Variants in MON2 observed in about 807,000 individuals in gnomAD.
MON2 encodes the protein protein MON2 homolog.
Under a neutral mutation model 208.6 loss-of-function variants are expected in MON2, and 84 were observed. That is an observed-to-expected ratio of 0.40 (90% CI 0.34 to 0.48). The LOEUF (loss-of-function observed/expected upper bound fraction) is 0.48, where lower values mean the gene tolerates loss of function less well. MON2 is among the 20% of genes least tolerant of loss of function. The pLI is 0.59. For synonymous variants in MON2, 660 were observed against 694.0 expected, an observed-to-expected ratio of 0.95 and a Z score of 0.77; for missense variants, 1,611 against 2,015.4, an observed-to-expected ratio of 0.80 and a Z score of 3.84.
At chr12:62,534,531 AAAAAAAAAAAAAT>A (rs1388414338) in intron 12 of MON2, among the ~76,000 whole-genome samples, 15 of 39,384 alleles carry the variant, frequency 3.8e-4, no homozygotes, top group African/African-American at 9.5e-4. Context: ...AAAAAAAAAA[AAAAAAAAAAAAAT>A]ATATATATAT....
At chr12:62,554,693 A>G (rs1368648396) in intron 24 of MON2, among the ~76,000 whole-genome samples, 7 of 152,016 alleles carry the variant, frequency 4.6e-5, no homozygotes, top group Non-Finnish European at 8.8e-5. Context: ...AGATAGTCTC[A>G]CCATATTGCC....
chr12:62,502,305 G>C (rs2070879704), intron 7 of MON2, among the ~76,000 whole-genome samples: 1 of 151,894 alleles, frequency 6.6e-6, no homozygotes, highest in Non-Finnish European at 1.5e-5. Flanking sequence ...GGAGACTGAG[G>C]CAGGAGAATC....
intron 30 of MON2, 54 bp from the exon 31 acceptor site, chr12:62,578,389 GTT>G: frequency 9.0e-7 from 1 of 1,106,308 alleles, no homozygotes; most frequent in Non-Finnish European, 1.3e-6. Flanking sequence ...TTTCTATTTT[GTT>G]TGTATTTGCA....
intron 24 of MON2, among the ~76,000 whole-genome samples, chr12:62,554,579 T>G (rs1028874243): frequency 1.3e-5 from 2 of 152,094 alleles, no homozygotes; most frequent in Admixed American, 1.3e-4. Context: ...ACTACAGCCT[T>G]GACCTGCCAG....
intron 22 of MON2, 40 bp from the exon 23 acceptor site, chr12:62,549,628 A>C: frequency 6.6e-7 from 1 of 1,520,588 alleles, no homozygotes; most frequent in Non-Finnish European, 8.8e-7. Context: ...AAATAAATAA[A>C]TAAAATAAGT....
intron 1 of MON2, among the ~76,000 whole-genome samples, chr12:62,474,119 C>CTT (rs778065734): frequency 7.1e-6 from 1 of 141,834 alleles, no homozygotes; most frequent in Non-Finnish European, 1.5e-5. Context: ...CTTTTCTTTT[C>CTT]TTTTTTTTTT....
chr12:62,559,188 G>C (rs71465161), intron 25 of MON2, among the ~76,000 whole-genome samples: 1 of 152,216 alleles, frequency 6.6e-6, no homozygotes, highest in South Asian at 2.1e-4. Context: ...TCATTTATCA[G>C]CTTTCCAAAA....
At chr12:62,505,261 T>G (rs1216808744) in intron 7 of MON2, among the ~76,000 whole-genome samples, 1 of 152,210 alleles carries the variant, frequency 6.6e-6, no homozygotes, top group African/African-American at 2.4e-5. Flanking sequence ...AAGGTATCTG[T>G]GAGACATGCA....
intron 25 of MON2, chr12:62,560,270 T>C (rs981561774): frequency 2.3e-6 from 1 of 437,202 alleles, no homozygotes; most frequent in African/African-American, 2.1e-5. Flanking sequence ...ATCCTCCTCT[T>C]GGTGCCCTTT....
chr12:62,565,966 TA>T, intron 27 of MON2, 47 bp from the exon 28 acceptor site: 1 of 1,551,238 alleles, frequency 6.4e-7, no homozygotes, highest in Non-Finnish European at 8.8e-7. Flanking sequence ...AAATATGTAT[TA>T]ACTTTTCTCA....
chr12:62,527,499 A>G (rs934438048), intron 11 of MON2, among the ~76,000 whole-genome samples: 16 of 152,194 alleles, frequency 1.1e-4, no homozygotes, highest in Non-Finnish European at 2.1e-4. Flanking sequence ...GTAATGACTC[A>G]AGTATACTAG....
At chr12:62,514,372 A>T (rs891020961) in intron 8 of MON2, among the ~76,000 whole-genome samples, 1 of 152,194 alleles carries the variant, frequency 6.6e-6, no homozygotes, top group Non-Finnish European at 1.5e-5. Context: ...CACACTGCTG[A>T]TAAAGGCATA....
chr12:62,550,216 T>C (rs1592368999), intron 23 of MON2, among the ~76,000 whole-genome samples: 1 of 152,198 alleles, frequency 6.6e-6, no homozygotes, highest in South Asian at 2.1e-4. Context: ...ATGAAAGTCC[T>C]ACATGACATC....
chr12:62,502,388 G>A (rs1182807264), intron 7 of MON2, among the ~76,000 whole-genome samples: 5 of 148,434 alleles, frequency 3.4e-5, no homozygotes, highest in South Asian at 2.1e-4. Context: ...GTGAGAGAGC[G>A]AGACCCCATT....
intron 5 of MON2, among the ~76,000 whole-genome samples, chr12:62,499,958 T>C (rs1406806141): frequency 2.0e-5 from 3 of 152,176 alleles, no homozygotes. Flanking sequence ...TTTCTTTATT[T>C]TTTCTTGGGG....
At position 62,514,011 on chromosome 12, in the gene MON2, T is replaced by A. The variant is rs762558428; in HGVS notation, c.984+5531T>A. On this transcript the variant is annotated intron_variant, in intron 8 of 34. Transcript: ENST00000393630. Reference sequence around the variant, plus strand: ...TCTGCCAGTTACCCTAAATCATTTCTCCCAAGTTCAAAGTTCCACAAATCT... The same window carrying A: ...TCTGCCAGTTACCCTAAATCATTTCACCCAAGTTCAAAGTTCCACAAATCT... Among the ~76,000 whole-genome samples the A allele has an allele frequency of 1.8e-4, 25 of 136,800 alleles. 1 individual carries two copies. Among genetic ancestry groups the A allele is most frequent in the Non-Finnish European group, 2.1e-4 (13 of 60,868 alleles). 89.7% of individuals were successfully genotyped at this position (136,800 alleles called of 152,430 possible). A position where few individuals can be genotyped will look rare whatever the true frequency, so the allele number is the denominator to read the frequency against.
At chr12:62,488,320 A>G (rs928118986) in intron 2 of MON2, among the ~76,000 whole-genome samples, 1 of 152,150 alleles carries the variant, frequency 6.6e-6, no homozygotes, top group African/African-American at 2.4e-5. Context: ...CTGAGTCTGG[A>G]AGCCTGAGGA....
intron 8 of MON2, among the ~76,000 whole-genome samples, chr12:62,519,001 A>C (rs1027071264): frequency 9.9e-5 from 15 of 152,238 alleles, no homozygotes; most frequent in African/African-American, 3.4e-4. Flanking sequence ...TATTTTCTTT[A>C]TTTAAACCTG....
At chr12:62,479,441 C>G (rs1243506184) in intron 1 of MON2, among the ~76,000 whole-genome samples, 1 of 146,828 alleles carries the variant, frequency 6.8e-6, no homozygotes, top group Middle Eastern at 3.4e-3. Context: ...TCCCCCCCCC[C>G]CCCCAAATAT....
Sources: gnomAD v4.1 joint callset for allele counts (sites outside exome capture counted in the v4.1 genomes callset) on GRCh38, gnomAD v4.1.1 for gene constraint, MANE v1.5 for transcripts, NCBI Gene and HGNC (gene_info 2026-07-23, HGNC 2026-07-21) for gene names.